Variants in GSE1 observed in about 807,000 individuals in gnomAD.
GSE1 encodes genetic suppressor element 1.
A neutral mutation model predicts 112.6 loss-of-function variants in GSE1; 32 were observed. The ratio of observed to expected loss-of-function variants is 0.28; its 90% CI spans 0.21 to 0.38. GSE1 has a LOEUF of 0.38. GSE1 is among the 10% of genes least tolerant of loss of function. The probability of loss-of-function intolerance (pLI) is 1.00; values close to 1 mark genes in which losing one functional copy is unlikely to be tolerated. For synonymous variants in GSE1, 1,115 were observed against 735.6 expected (o/e 1.52, Z -8.35); for missense variants, 2,348 against 1,699.2 (o/e 1.38, Z -6.71).
intron 1 of GSE1, among the ~76,000 whole-genome samples, chr16:85,627,346 C>G (rs1043717145): frequency 2.6e-5 from 4 of 151,998 alleles, no homozygotes; most frequent in African/African-American, 9.7e-5. Context: ...GGCAGACTGT[C>G]TAGACCAGGT....
intron 2 of GSE1, among the ~76,000 whole-genome samples, chr16:85,459,347 C>T (rs1261108239): frequency 1.3e-5 from 2 of 152,344 alleles, no homozygotes; most frequent in East Asian, 1.9e-4. Flanking sequence ...TTCAGGCAGA[C>T]CCATCCCGTG....
chr16:85,378,600 G>A (rs1216730080), intron 2 of GSE1, among the ~76,000 whole-genome samples: 2 of 152,192 alleles, frequency 1.3e-5, no homozygotes, highest in Non-Finnish European at 2.9e-5. Flanking sequence ...CGCCCTTCGT[G>A]CTGATTGATT....
At chr16:85,447,303 C>T (rs1306366656) in intron 2 of GSE1, among the ~76,000 whole-genome samples, 1 of 152,196 alleles carries the variant, frequency 6.6e-6, no homozygotes, top group Non-Finnish European at 1.5e-5. Context: ...GCCCCAGTGG[C>T]CCTGAGAAGG....
In GSE1 at chr16:85,246,408, C is replaced by T. The variant is rs1433177598; in HGVS notation, c.2283+74601C>T. On this transcript the variant is annotated intron_variant, in intron 1 of 2. Coordinates refer to the GSE1 transcript ENST00000637419. ...ACACACACCCCACACGCTGTCTACA[C>T]ACACACACACACACCCCATGCTCTC... Among the ~76,000 whole-genome samples the T allele has an allele frequency of 8.7e-3, 1,021 of 116,948 alleles. 27 individuals are homozygous for T. The highest frequency in any genetic ancestry group is 0.014 in the Non-Finnish European group (813 of 58,358). The allele number at this position is 116,948 out of a possible 152,430, so 76.7% of individuals were successfully genotyped here. A position where few individuals can be genotyped will look rare whatever the true frequency, so the allele number is the denominator to read the frequency against.
intron 3 of GSE1, among the ~76,000 whole-genome samples, chr16:85,652,650 G>A (rs576761787): frequency 1.5e-4 from 23 of 152,194 alleles, no homozygotes; most frequent in Non-Finnish European, 2.4e-4. Flanking sequence ...CTGCCTCTGC[G>A]CGGGTGCCAT....
intron 1 of GSE1, among the ~76,000 whole-genome samples, chr16:85,305,466 GT>G (rs60796923): frequency 0.76 from 114,563 of 150,912 alleles, 43,697 homozygotes; most frequent in East Asian, 0.89. Flanking sequence ...GTTTTTTGTT[GT>G]TTTTTTTTTT....
At chr16:85,666,937 A>T (rs1164054195) in intron 13 of GSE1, among the ~76,000 whole-genome samples, 1 of 152,274 alleles carries the variant, frequency 6.6e-6, no homozygotes, top group Non-Finnish European at 1.5e-5. Context: ...AGCACCAGGT[A>T]CTACATTGAA....
At chr16:85,247,532 G>A (rs1468447130) in intron 1 of GSE1, among the ~76,000 whole-genome samples, 1 of 152,192 alleles carries the variant, frequency 6.6e-6, no homozygotes, top group African/African-American at 2.4e-5. Context: ...GAGGAGGCCT[G>A]GACCTGGCTG....
In GSE1 at chr16:85,233,860, C is replaced by T. The variant is rs551526757; in HGVS notation, c.2283+62053C>T. On this transcript the variant is annotated intron_variant, in intron 1 of 2. Transcript: ENST00000637419. ...GTGGCCTGGGGAGGTGTAGGGAGCCCCTTTGGAGCCGACACAGGTTTGTTC... is the reference window on the plus strand; with the variant it reads ...GTGGCCTGGGGAGGTGTAGGGAGCCTCTTTGGAGCCGACACAGGTTTGTTC... Among the ~76,000 whole-genome samples, 24 of 152,146 alleles carry T rather than the reference C, an allele frequency of 1.6e-4. 2 individuals are homozygous for T. The South Asian group carries it at 5.0e-3, about 32-fold the overall frequency.
chr16:85,271,356 A>G (rs1262692837), intron 1 of GSE1, among the ~76,000 whole-genome samples: 2 of 152,070 alleles, frequency 1.3e-5, no homozygotes, highest in Admixed American at 1.3e-4. Flanking sequence ...GCTCACATGA[A>G]TGGCTCATCT....
rs180847124 is a variant in GSE1, at chr16:85,274,143, C to T, written c.2284-83320C>T. Among the ~76,000 whole-genome samples the T allele has an allele frequency of 6.6e-5, 10 of 151,238 alleles. No homozygotes were observed. The East Asian group carries it at 1.6e-3, about 24-fold the overall frequency. On this transcript the variant is annotated intron_variant, in intron 1 of 2. Coordinates refer to the GSE1 transcript ENST00000637419. ...GCTCACTCCTGTAATCCCAGCACTT[C>T]GGGAGGCTGAAGCGGCTGGATCACG...
rs1174896617 is a variant in GSE1, at chr16:85,672,411, A to G, written c.3526A>G (p.Arg1176Gly). The G allele has an allele frequency of 6.2e-7, 1 of 1,611,320 alleles. No homozygotes were observed. Among genetic ancestry groups the G allele is most frequent in the Non-Finnish European group, 8.5e-7 (1 of 1,177,904 alleles). ...CAAATTTCCCTCTCTCCAGGAGTTG[A>G]GGAGCCAGAAACAGAAGATGGTCTC... ...EQLSHSVAEL[R>G]SQKQKMVSER... Residue 1176 changes from arginine to glycine, a missense_variant, in exon 16 of 16, where the codon AGG becomes GGG. By Grantham distance (125) the Arg-to-Gly change is moderately radical. Coordinates refer to ENST00000253458, the MANE Select transcript of GSE1 (RefSeq NM_014615.5).
chr16:85,310,916 G>A (rs1012827711), intron 1 of GSE1, among the ~76,000 whole-genome samples: 2 of 152,182 alleles, frequency 1.3e-5, no homozygotes, highest in Non-Finnish European at 2.9e-5. Context: ...GGGATGGAGG[G>A]GGGCACCCAC....
intron 1 of GSE1, among the ~76,000 whole-genome samples, chr16:85,185,626 C>T (rs1311589910): frequency 6.6e-6 from 1 of 152,242 alleles, no homozygotes; most frequent in Non-Finnish European, 1.5e-5. Context: ...CCAGATCTTC[C>T]CAGGACTCAC....
intron 1 of GSE1, among the ~76,000 whole-genome samples, chr16:85,208,766 G>A (rs1468137728): frequency 1.3e-5 from 2 of 151,864 alleles, no homozygotes; most frequent in Admixed American, 6.6e-5. Flanking sequence ...GGATGGGGGT[G>A]GGGGTGGGGT....
At chr16:85,270,187 G>A (rs1019804565) in intron 1 of GSE1, among the ~76,000 whole-genome samples, 1 of 148,932 alleles carries the variant, frequency 6.7e-6, no homozygotes, top group East Asian at 1.9e-4. Context: ...CGGGCCATCG[G>A]CTTCCTGAGC....
intron 2 of GSE1, among the ~76,000 whole-genome samples, chr16:85,428,372 G>A (rs1427110237): frequency 1.3e-5 from 2 of 152,242 alleles, no homozygotes; most frequent in African/African-American, 2.4e-5. Context: ...CTTCGGAGCC[G>A]ACCGTCTGGC....
At chr16:85,441,296 A>C (rs971572225) in intron 2 of GSE1, among the ~76,000 whole-genome samples, 1 of 152,076 alleles carries the variant, frequency 6.6e-6, no homozygotes, top group Non-Finnish European at 1.5e-5. Flanking sequence ...AGACATTGCC[A>C]TTTGTCCGCT....
chr16:85,598,167 GTTTTTT>G (rs973836177), intron 1 of GSE1, among the ~76,000 whole-genome samples: 9 of 71,546 alleles, frequency 1.3e-4, no homozygotes, highest in African/African-American at 3.8e-4. Flanking sequence ...AGGTTTGGTT[GTTTTTT>G]TTTTTTTTTT....
Sources: gnomAD v4.1 joint callset for allele counts (sites outside exome capture counted in the v4.1 genomes callset) on GRCh38, gnomAD v4.1.1 for gene constraint, MANE v1.5 for transcripts, NCBI Gene and HGNC (gene_info 2026-07-23, HGNC 2026-07-21) for gene names.